The following EPG5 variants were observed in gnomAD, a reference collection of about 807,000 sequenced individuals.
EPG5 encodes ectopic P granules protein 5 homolog.
EPG5 carries 159 observed loss-of-function variants against 302.7 expected under a neutral mutation model. That is an observed-to-expected ratio of 0.53 (90% CI 0.46 to 0.60). The LOEUF (loss-of-function observed/expected upper bound fraction) is 0.60, where lower values mean the gene tolerates loss of function less well. EPG5 is among the 20% of genes least tolerant of loss of function. The pLI is 0.00. For synonymous variants in EPG5, 1,158 were observed against 1,136.8 expected, an observed-to-expected ratio of 1.02 and a Z score of -0.37; for missense variants, 2,896 against 3,092.4, an observed-to-expected ratio of 0.94 and a Z score of 1.51.
intron 39 of EPG5, among the ~76,000 whole-genome samples, chr18:45,861,331 T>C (rs2048629042): frequency 6.6e-6 from 1 of 152,242 alleles, no homozygotes; most frequent in South Asian, 2.1e-4. Flanking sequence ...TAAAGGCTCA[T>C]CTCTGAATTT....
chr18:45,851,274 A>T lies in EPG5; in HGVS notation c.*1193T>A, dbSNP rs2048419527. ...AGCTATGCAGGCAAAATCCATCTAG[A>T]GCTGATAGAATGAGGAACGTGGGAA... is the stretch of plus-strand genomic sequence containing the variant. On this transcript the variant is annotated 3_prime_UTR_variant, in exon 44 of 44. Coordinates refer to ENST00000282041, the MANE Select transcript of EPG5 (RefSeq NM_020964.3). The T allele has an allele frequency of 6.6e-6, 1 of 152,188 alleles. No homozygotes were observed. Among genetic ancestry groups the T allele is most frequent in the Non-Finnish European group, 1.5e-5 (1 of 68,030 alleles). The allele number at this position is 152,188 out of a possible 1,614,324, so 9.4% of individuals were successfully genotyped here.
intron 29 of EPG5, 151 bp from the exon 30 acceptor site, chr18:45,884,962 T>G (rs543094240): frequency 3.7e-5 from 20 of 546,744 alleles, no homozygotes; most frequent in Non-Finnish European, 5.3e-5. Flanking sequence ...AAAATCAACA[T>G]AGATAAGCCT....
In EPG5 at chr18:45,910,655, G is replaced by A. The variant is rs763870509; in HGVS notation, c.4071C>T (p.Thr1357=). 47 of 1,613,982 alleles carry A rather than the reference G, an allele frequency of 2.9e-5. No individual in the cohort carries two copies. Among genetic ancestry groups the A allele is most frequent in the African/African-American group, 4.0e-5 (3 of 74,898 alleles). The change falls in exon 23 of 44, where the codon ACC becomes ACT. Residue 1357 remains threonine, a synonymous_variant. Coordinates refer to ENST00000282041, the MANE Select transcript of EPG5 (RefSeq NM_020964.3). ...NLLKEMKRRL[T]EVADFHHAAS... is the part of the protein sequence containing the mutation. ...CAGCATGGTGGAAGTCAGCCACCTC[G>A]GTCAAACGTCTCTTCATTTCTTTCA...
At chr18:45,867,097 G>T in intron 37 of EPG5, 90 bp from the exon 38 acceptor site, 1 of 858,872 alleles carries the variant, frequency 1.2e-6, no homozygotes, top group Non-Finnish European at 1.9e-6. Flanking sequence ...TAACTACTAA[G>T]ATGGCCTATG....
In EPG5 at chr18:45,881,039, C is replaced by T. The variant is rs556694721; in HGVS notation, c.5519-816G>A. ...GACATCAGGGAAAACAACGGGCTCA[C>T]CCAGAGGGAATGAATGCAGTAGAAG... On this transcript the variant is annotated intron_variant, in intron 31 of 43. Coordinates refer to ENST00000282041, the MANE Select transcript of EPG5 (RefSeq NM_020964.3). 3.0e-4 allele frequency among the ~76,000 whole-genome samples: 46 copies of T among 152,252 alleles called. 1 individual carries two copies. Among genetic ancestry groups the T allele is most frequent in the African/African-American group, 1.1e-3 (45 of 41,544 alleles).
At chr18:45,858,823 T>C (rs1264629742) in intron 40 of EPG5, 41 bp from the exon 41 acceptor site, 1 of 1,441,494 alleles carries the variant, frequency 6.9e-7, no homozygotes, top group Non-Finnish European at 9.7e-7. Flanking sequence ...TAGGCAAGAA[T>C]CCAATTACTT....
chr18:45,887,803 C>A lies in EPG5; in HGVS notation c.5057G>T (p.Arg1686Leu). The change falls in exon 29 of 44, where the codon CGT (arginine) becomes CTT (leucine). Residue 1686 changes from arginine to leucine, a missense_variant. By Grantham distance (102) the Arg-to-Leu change is moderately radical. Transcript: ENST00000282041. ...IVDYVSDETQ[R>L]HPPTRQFFTS... ...AAAGAACTGCCTTGTTGGGGGATGACGCTGCGTCTCATCGCTGACGTAATC... is the reference window on the plus strand; with the variant it reads ...AAAGAACTGCCTTGTTGGGGGATGAAGCTGCGTCTCATCGCTGACGTAATC... 1 of 1,601,758 alleles carries A rather than the reference C, an allele frequency of 6.2e-7. No homozygotes were observed.
chr18:45,910,768 T>C, intron 22 of EPG5, 26 bp from the exon 23 acceptor site: 1 of 1,569,870 alleles, frequency 6.4e-7, no homozygotes, highest in Non-Finnish European at 8.7e-7. Context: ...CACAGATCTA[T>C]AACCTTTCAA....
At chr18:45,889,007 T>A (rs1451146222) in intron 28 of EPG5, among the ~76,000 whole-genome samples, 1 of 152,168 alleles carries the variant, frequency 6.6e-6, no homozygotes, top group East Asian at 1.9e-4. Context: ...CCCTTCCAAT[T>A]CTCACACCTT....
intron 34 of EPG5, among the ~76,000 whole-genome samples, chr18:45,878,051 T>A (rs1449539435): frequency 6.6e-6 from 1 of 152,106 alleles, no homozygotes; most frequent in Non-Finnish European, 1.5e-5. Flanking sequence ...TAGAGAAAAA[T>A]CAGTCTCATA....
chr18:45,949,387 T>C, intron 5 of EPG5, 97 bp downstream of exon 5: 2 of 670,698 alleles, frequency 3.0e-6, no homozygotes. Context: ...ATTACTCTTT[T>C]TTAAATAGTC....
At chr18:45,805,040 G>A in the EPG5 span, among the ~76,000 whole-genome samples, 1 of 152,030 alleles carries the variant, frequency 6.6e-6, no homozygotes, top group South Asian at 2.1e-4. Flanking sequence ...AGTTAAGAAT[G>A]TATATCGTGA....
At chr18:45,858,542 G>A (rs748044861) in intron 41 of EPG5, 24 bp downstream of exon 41, 2 of 1,588,690 alleles carry the variant, frequency 1.3e-6, no homozygotes, top group South Asian at 1.1e-5. Flanking sequence ...CAAGTTTGAT[G>A]TAACAGCCTG....
chr18:45,883,624 T>TTG (rs1187302832), intron 30 of EPG5, among the ~76,000 whole-genome samples: 2 of 135,936 alleles, frequency 1.5e-5, no homozygotes, highest in African/African-American at 5.8e-5. Flanking sequence ...GTTTTTTTTT[T>TTG]TTTTTTTTTT....
chr18:45,812,207 T>C, the EPG5 span, among the ~76,000 whole-genome samples: 411 of 152,156 alleles, frequency 2.7e-3, 4 homozygotes, highest in African/African-American at 9.3e-3. Context: ...ATCCAACTTA[T>C]AAGGGATATG....
chr18:45,895,791 T>G (rs1291960069), intron 27 of EPG5, among the ~76,000 whole-genome samples: 1 of 152,176 alleles, frequency 6.6e-6, no homozygotes, highest in Non-Finnish European at 1.5e-5. Flanking sequence ...TAACACAACC[T>G]ACCTTTTGCA....
intron 1 of EPG5, 93 bp downstream of exon 1, chr18:45,967,084 G>C (rs547378488): frequency 1.1e-4 from 143 of 1,269,032 alleles, no homozygotes; most frequent in Non-Finnish European, 1.4e-4. Flanking sequence ...AGGGCTCAGG[G>C]AACGGGAGTA....
chr18:45,803,300 G>A, the EPG5 span, among the ~76,000 whole-genome samples: 3 of 152,130 alleles, frequency 2.0e-5, no homozygotes, highest in African/African-American at 4.8e-5. Flanking sequence ...CTGAGTAAAC[G>A]CTTACTGTAC....
At chr18:45,831,281 G>A in the EPG5 span, among the ~76,000 whole-genome samples, 1 of 152,180 alleles carries the variant, frequency 6.6e-6, no homozygotes, top group Non-Finnish European at 1.5e-5. Flanking sequence ...TAGTCTCTTT[G>A]ACACTGTACA....
Sources: gnomAD v4.1 joint callset for allele counts (sites outside exome capture counted in the v4.1 genomes callset) on GRCh38, gnomAD v4.1.1 for gene constraint, MANE v1.5 for transcripts, NCBI Gene and HGNC (gene_info 2026-07-23, HGNC 2026-07-21) for gene names.